Variants in YPEL5 observed in about 807,000 individuals in gnomAD.
The protein encoded by YPEL5 is yippee like 5.
A neutral mutation model predicts 10.5 loss-of-function variants in YPEL5; 1 was observed. The ratio of observed to expected loss-of-function variants is 0.10; its 90% CI spans 0.03 to 0.45. YPEL5 has a LOEUF of 0.45. YPEL5 is among the 20% of genes least tolerant of loss of function. The pLI is 0.97. For missense variants in YPEL5, 68 were observed against 159.3 expected (o/e 0.43, Z 3.09); for synonymous variants, 61 against 56.6 (o/e 1.08, Z -0.35).
chr2:30,154,646 A>T (rs1675956478), intron 1 of YPEL5, among the ~76,000 whole-genome samples: 1 of 152,234 alleles, frequency 6.6e-6, no homozygotes, highest in Admixed American at 6.5e-5. Flanking sequence ...GGATTTTTGT[A>T]TCTGTTCACT....
intron 1 of YPEL5, among the ~76,000 whole-genome samples, chr2:30,152,171 T>TC (rs1675827320): frequency 6.6e-6 from 1 of 152,214 alleles, no homozygotes; most frequent in South Asian, 2.1e-4. Flanking sequence ...GTTTTTTTTT[T>TC]CTTTTTAAAA....
intron 1 of YPEL5, among the ~76,000 whole-genome samples, chr2:30,151,545 T>A (rs1169669246): frequency 6.6e-6 from 1 of 152,208 alleles, no homozygotes; most frequent in African/African-American, 2.4e-5. Flanking sequence ...TCAAATAAAC[T>A]AAGAATAGTC....
chr2:30,148,750 A>G (rs1187934570), intron 1 of YPEL5, among the ~76,000 whole-genome samples: 1 of 152,222 alleles, frequency 6.6e-6, no homozygotes, highest in Non-Finnish European at 1.5e-5. Flanking sequence ...TTAAGTAATG[A>G]GAAAAATAAA....
At chr2:30,154,856 A>T (rs1231941104) in intron 1 of YPEL5, among the ~76,000 whole-genome samples, 1 of 152,194 alleles carries the variant, frequency 6.6e-6, no homozygotes, top group Non-Finnish European at 1.5e-5. Flanking sequence ...CTCCTGCCTC[A>T]GCCTCCCGAG....
intron 1 of YPEL5, among the ~76,000 whole-genome samples, chr2:30,151,499 T>C (rs1230265442): frequency 6.6e-6 from 1 of 152,252 alleles, no homozygotes; most frequent in Non-Finnish European, 1.5e-5. Flanking sequence ...ATTTCACTTA[T>C]ATTTTCATCC....
rs1221082433 is a variant in YPEL5 at position 30,158,933 on chromosome 2, G to A, written c.*90G>A. ...ACACTGTCACCTTAGCATCAGAGTC[G>A]GATTAATGAACTGCGGAACAAGAGG... On this transcript the variant is annotated 3_prime_UTR_variant, in exon 3 of 3. Coordinates refer to ENST00000261353, the MANE Select transcript of YPEL5 (RefSeq NM_016061.3). 6 of 1,209,562 alleles carry A rather than the reference G, an allele frequency of 5.0e-6. No individual in the cohort carries two copies. The Admixed American group carries it at 6.4e-5, about 13-fold the overall frequency. The allele number at this position is 1,209,562 out of a possible 1,614,324, so 74.9% of individuals were successfully genotyped here.
intron 1 of YPEL5, among the ~76,000 whole-genome samples, chr2:30,154,722 A>C (rs1214194599): frequency 1.3e-5 from 2 of 152,148 alleles, no homozygotes; most frequent in African/African-American, 4.8e-5. Flanking sequence ...TCTGACTTAT[A>C]TGTAAATAAA....
At chr2:30,156,071 A>C (rs1676024919) in intron 1 of YPEL5, among the ~76,000 whole-genome samples, 1 of 152,180 alleles carries the variant, frequency 6.6e-6, no homozygotes, top group African/African-American at 2.4e-5. Flanking sequence ...TGCTCCCTAG[A>C]CATTGACTTA....
At chr2:30,153,505 G>A (rs1244984220) in intron 1 of YPEL5, among the ~76,000 whole-genome samples, 1 of 152,158 alleles carries the variant, frequency 6.6e-6, no homozygotes, top group Non-Finnish European at 1.5e-5. Flanking sequence ...CAAACATTGA[G>A]ACCATAGCAG....
chr2:30,158,581 C>G, intron 2 of YPEL5, 38 bp from the exon 3 acceptor site: 2 of 1,592,428 alleles, frequency 1.3e-6, no homozygotes, highest in Non-Finnish European at 1.7e-6. Context: ...AAATAACTAA[C>G]ATGCCTTGCA....
intron 1 of YPEL5, chr2:30,147,935 G>T: frequency 6.6e-6 from 1 of 152,400 alleles, no homozygotes; most frequent in South Asian, 2.0e-4. Context: ...GGGCCGGCGG[G>T]GGCGCTCGCG....
In YPEL5 at chr2:30,158,726, C is replaced by A. The variant is rs1469239445; in HGVS notation, c.249C>A (p.Ile83=). 1.9e-6 allele frequency: 3 copies of A among 1,614,166 alleles called. No homozygotes were observed. The highest frequency in any genetic ancestry group is 3.3e-5 in the Admixed American group (2 of 60,020). ...CKNCNSKLGW[I]YEFATEDSQR... The stretch of plus-strand genomic sequence containing the variant: ...ACTGCAATAGCAAACTGGGATGGAT[C>A]TATGAGTTTGCCACTGAAGACAGCC... The change falls in exon 3 of 3, where the codon ATC becomes ATA. Residue 83 remains isoleucine (I), a synonymous_variant. Coordinates refer to ENST00000261353, the MANE Select transcript of YPEL5 (RefSeq NM_016061.3).
At chr2:30,149,038 A>T (rs1675654804) in intron 1 of YPEL5, among the ~76,000 whole-genome samples, 1 of 152,228 alleles carries the variant, frequency 6.6e-6, no homozygotes, top group Non-Finnish European at 1.5e-5. Context: ...CCAGACAGGT[A>T]AATTACACGT....
rs890743576 is a variant in YPEL5, at chr2:30,154,321, G to A, written c.-24-2307G>A. The stretch of plus-strand genomic sequence containing the variant: ...AAACTTAACTGCTCACAGGTTTGTT[G>A]AGTGTTTTATTTATATCAGGAGTCA... On this transcript the variant is annotated intron_variant, in intron 1 of 2. Coordinates refer to ENST00000261353, the MANE Select transcript of YPEL5 (RefSeq NM_016061.3). 7.9e-5 allele frequency among the ~76,000 whole-genome samples: 12 copies of A among 152,310 alleles called. No homozygotes were observed. In the East Asian group the frequency reaches 2.3e-3, roughly 29 times the overall value.
At chr2:30,157,482 C>T (rs532872539) in intron 2 of YPEL5, among the ~76,000 whole-genome samples, 1 of 152,256 alleles carries the variant, frequency 6.6e-6, no homozygotes, top group South Asian at 2.1e-4. Context: ...GAATAACGAT[C>T]ATCTAACCAA....
At chr2:30,148,466 A>G (rs956696837) in intron 1 of YPEL5, 3 of 152,244 alleles carry the variant, frequency 2.0e-5, no homozygotes, top group African/African-American at 4.8e-5. Context: ...TTCCCAGGGT[A>G]CATATTCATG....
chr2:30,157,868 A>C (rs1432752520), intron 2 of YPEL5, among the ~76,000 whole-genome samples: 2 of 152,212 alleles, frequency 1.3e-5, no homozygotes, highest in Non-Finnish European at 2.9e-5. Flanking sequence ...TGTTTTGGTA[A>C]ATGTAATGGA....
At position 30,147,486 on chromosome 2, in the gene YPEL5, G is replaced by T. The variant is rs1483906727; in HGVS notation, c.-25+424G>T. ...CTGGCCGCGACCCCCAACCCGCCGC[G>T]CCGCGCCGCGGCTGCCCCGCCCCCA... On this transcript the variant is annotated intron_variant, in intron 1 of 2. Coordinates refer to ENST00000261353, the MANE Select transcript of YPEL5 (RefSeq NM_016061.3). The T allele has an allele frequency of 2.1e-5, 3 of 145,536 alleles. No homozygotes were observed. The East Asian group carries it at 6.4e-4, about 31-fold the overall frequency. The allele number at this position is 145,536 out of a possible 1,614,324, so 9.0% of individuals were successfully genotyped here.
intron 1 of YPEL5, among the ~76,000 whole-genome samples, chr2:30,151,250 C>T (rs894322287): frequency 2.6e-5 from 4 of 151,948 alleles, no homozygotes; most frequent in Middle Eastern, 3.2e-3. Flanking sequence ...TAAAATAATG[C>T]ATTCCTGGAG....
Sources: gnomAD v4.1 joint callset for allele counts (sites outside exome capture counted in the v4.1 genomes callset) on GRCh38, gnomAD v4.1.1 for gene constraint, MANE v1.5 for transcripts, NCBI Gene and HGNC (gene_info 2026-07-23, HGNC 2026-07-21) for gene names.